Variants in WWOX observed in about 807,000 individuals in gnomAD.
The protein encoded by WWOX is WW domain-containing oxidoreductase.
WWOX carries 69 observed loss-of-function variants against 46.2 expected under a neutral mutation model. The observed-to-expected ratio is 1.49, with a 90% confidence interval of 1.23 to 1.82. WWOX has a LOEUF of 1.82. Among genes scored for constraint, WWOX ranks in the 40% most tolerant of loss-of-function variants. WWOX has a pLI of 0.00. For missense variants in WWOX, 919 were observed against 542.6 expected (o/e 1.69, Z -6.89); for synonymous variants, 359 against 202.6 (o/e 1.77, Z -6.56).
chr16:78,812,757 G>A (rs57707533), intron 8 of WWOX, among the ~76,000 whole-genome samples: 2,351 of 151,938 alleles, frequency 0.015, 62 homozygotes, highest in African/African-American at 0.046. Flanking sequence ...CTATCCAAAG[G>A]CCTTGACTAA....
chr16:78,787,852 A>G (rs1469318758), intron 8 of WWOX, among the ~76,000 whole-genome samples: 5 of 152,152 alleles, frequency 3.3e-5, no homozygotes, highest in African/African-American at 1.2e-4. Flanking sequence ...CTTTGAAGGT[A>G]TGAAATTGTA....
chr16:79,013,728 C>A (rs11645690), intron 8 of WWOX, among the ~76,000 whole-genome samples: 3,286 of 152,320 alleles, frequency 0.022, 61 homozygotes, highest in Non-Finnish European at 0.034. Context: ...TGGGAGCTCC[C>A]GGAAGCAAAG....
chr16:79,015,958 C>A (rs2151380442), intron 8 of WWOX, among the ~76,000 whole-genome samples: 1 of 152,246 alleles, frequency 6.6e-6, no homozygotes, highest in African/African-American at 2.4e-5. Context: ...GCCATGTTGG[C>A]CAGGATGATC....
At chr16:78,420,082 T>A (rs1391270679) in intron 6 of WWOX, among the ~76,000 whole-genome samples, 1 of 152,172 alleles carries the variant, frequency 6.6e-6, no homozygotes, top group Admixed American at 6.5e-5. Context: ...ATTCCACTTA[T>A]TGCTAGGATG....
At chr16:78,878,573 T>C (rs1430029494) in intron 8 of WWOX, among the ~76,000 whole-genome samples, 1 of 152,188 alleles carries the variant, frequency 6.6e-6, no homozygotes, top group African/African-American at 2.4e-5. Flanking sequence ...TATTAACACC[T>C]ATTTTACAGG....
At chr16:78,518,135 A>G (rs139795925) in intron 8 of WWOX, among the ~76,000 whole-genome samples, 16 of 152,270 alleles carry the variant, frequency 1.1e-4, no homozygotes, top group African/African-American at 2.2e-4. Context: ...GTCACATGAA[A>G]TATGTACCTA....
chr16:78,647,644 G>A (rs1238223987), intron 8 of WWOX, among the ~76,000 whole-genome samples: 1 of 152,198 alleles, frequency 6.6e-6, no homozygotes, highest in Non-Finnish European at 1.5e-5. Flanking sequence ...CATACTGAGT[G>A]CTGACAGGCA....
At chr16:78,578,284 ATTTTTTTTT>A (rs1172203878) in intron 8 of WWOX, among the ~76,000 whole-genome samples, 1 of 20,842 alleles carries the variant, frequency 4.8e-5, no homozygotes, top group Non-Finnish European at 8.1e-5. Flanking sequence ...ATATATATAT[ATTTTTTTTT>A]TTTTTTTTTT....
At chr16:78,518,844 A>C (rs1020754305) in intron 8 of WWOX, among the ~76,000 whole-genome samples, 1 of 152,196 alleles carries the variant, frequency 6.6e-6, no homozygotes, top group East Asian at 1.9e-4. Context: ...TTCACTGTGC[A>C]TAAAATGACC....
At chr16:78,192,441 G>A (rs1452876789) in intron 5 of WWOX, among the ~76,000 whole-genome samples, 2 of 140,986 alleles carry the variant, frequency 1.4e-5, no homozygotes, top group Admixed American at 7.7e-5. Flanking sequence ...GCAGTGAGCC[G>A]AGATCGCACC....
intron 8 of WWOX, among the ~76,000 whole-genome samples, chr16:78,835,783 T>C (rs1376742738): frequency 6.6e-6 from 1 of 152,162 alleles, no homozygotes; most frequent in Non-Finnish European, 1.5e-5. Flanking sequence ...TGCCAAAAAA[T>C]TGCTAGCAGA....
At chr16:78,138,924 C>A (rs1289601697) in intron 4 of WWOX, among the ~76,000 whole-genome samples, 1 of 152,192 alleles carries the variant, frequency 6.6e-6, no homozygotes, top group East Asian at 1.9e-4. Flanking sequence ...CTGTTTCTTG[C>A]AACTCCTAAC....
At chr16:79,003,242 G>A (rs1395749848) in intron 8 of WWOX, among the ~76,000 whole-genome samples, 2 of 152,176 alleles carry the variant, frequency 1.3e-5, no homozygotes, top group Non-Finnish European at 2.9e-5. Flanking sequence ...ATGATTTAAT[G>A]CAGCATAGTA....
At chr16:78,868,089 G>C (rs1033053323) in intron 8 of WWOX, among the ~76,000 whole-genome samples, 3 of 152,162 alleles carry the variant, frequency 2.0e-5, no homozygotes, top group African/African-American at 7.2e-5. Flanking sequence ...AATGTTCATA[G>C]CAGCATCATC....
At chr16:78,433,446 A>G (rs2083267943) in intron 8 of WWOX, among the ~76,000 whole-genome samples, 1 of 152,198 alleles carries the variant, frequency 6.6e-6, no homozygotes, top group South Asian at 2.1e-4. Flanking sequence ...AAGAAAGCGT[A>G]TTTTCCACAA....
chr16:78,641,331 G>A (rs760382923), intron 8 of WWOX, among the ~76,000 whole-genome samples: 1 of 151,858 alleles, frequency 6.6e-6, no homozygotes, highest in African/African-American at 2.4e-5. Context: ...GAGAGAAAAA[G>A]CCTTCTTTTT....
At chr16:78,751,608 A>G (rs994741329) in intron 8 of WWOX, among the ~76,000 whole-genome samples, 1 of 151,704 alleles carries the variant, frequency 6.6e-6, no homozygotes, top group Non-Finnish European at 1.5e-5. Flanking sequence ...TCAGTCATGC[A>G]TGCCTTATAT....
chr16:78,533,072 G>A lies in WWOX; in HGVS notation c.1056+100320G>A, dbSNP rs575734794. Among the ~76,000 whole-genome samples, 93 of 152,190 alleles carry A rather than the reference G, an allele frequency of 6.1e-4. No homozygotes were observed. In the Middle Eastern group the frequency reaches 0.01, roughly 17 times the overall value. Reference sequence around the variant, plus strand: ...GGGAGGGTGGGAGCCAGACAGATGGGAGTATCCTAGCCTCAGTTCCTTTCC... The same window carrying A: ...GGGAGGGTGGGAGCCAGACAGATGGAAGTATCCTAGCCTCAGTTCCTTTCC... On this transcript the variant is annotated intron_variant, in intron 8 of 8. Coordinates refer to ENST00000566780, the MANE Select transcript of WWOX (RefSeq NM_016373.4).
At chr16:78,831,653 G>A (rs754572567) in intron 8 of WWOX, among the ~76,000 whole-genome samples, 1 of 152,288 alleles carries the variant, frequency 6.6e-6, no homozygotes, top group Middle Eastern at 3.4e-3. Flanking sequence ...ATCTGTGAAA[G>A]AGTGATCATA....
Sources: allele counts gnomAD v4.1 joint callset (sites outside exome capture counted in the v4.1 genomes callset), GRCh38; gene constraint gnomAD v4.1.1; transcripts MANE v1.5; gene names NCBI Gene and HGNC (gene_info 2026-07-23, HGNC 2026-07-21).